Variants in ZIM2 observed in about 807,000 individuals in gnomAD.
ZIM2 encodes the protein zinc finger imprinted 2.
Under a neutral mutation model 38.6 loss-of-function variants are expected in ZIM2, and 14 were observed. The ratio of observed to expected loss-of-function variants is 0.36; its 90% CI spans 0.24 to 0.57. The LOEUF (loss-of-function observed/expected upper bound fraction) is 0.57, where lower values mean the gene tolerates loss of function less well. Among genes scored for constraint, ZIM2 ranks in the 20% least tolerant of loss-of-function variants. The pLI is 0.81. For synonymous variants in ZIM2, 247 were observed against 245.8 expected (o/e 1.00, Z -0.04); for missense variants, 680 against 695.1 (o/e 0.98, Z 0.24).
chr19:56,815,224 G>A (rs2059864062), intron 9 of ZIM2: 2 of 1,614,022 alleles, frequency 1.2e-6, no homozygotes, highest in East Asian at 2.2e-5. Context: ...CTCGCTGTGG[G>A]TCTCCTCCCC....
At position 56,814,012 on chromosome 19, in the gene ZIM2, C is replaced by T; in HGVS notation, c.490+3734G>A. On this transcript the variant is annotated intron_variant, in intron 9 of 12. Transcript: ENST00000629319. The surrounding 1 kb of genome is among the most constrained non-coding windows in gnomAD (Gnocchi z 5.8). ...CACACCGTCAGGCTCGTCGGCATCT[C>T]CCTCTGGCTCTTCAGCTTTTCCCTC... The T allele has an allele frequency of 6.2e-7, 1 of 1,613,328 alleles. No homozygotes were observed. Among genetic ancestry groups the T allele is most frequent in the Non-Finnish European group, 8.5e-7 (1 of 1,179,336 alleles).
At chr19:56,812,053 T>C in intron 9 of ZIM2, 2 of 983,818 alleles carry the variant, frequency 2.0e-6, no homozygotes, top group Non-Finnish European at 2.4e-6. Context: ...CAGACACATT[T>C]CCCCCAGTGG....
chr19:56,777,040 G>C (rs2046054897), intron 12 of ZIM2, among the ~76,000 whole-genome samples: 2 of 152,192 alleles, frequency 1.3e-5, no homozygotes, highest in South Asian at 4.1e-4. Context: ...TAAAAAGTCT[G>C]TGCTTTATAA....
At position 56,829,212 on chromosome 19, in the gene ZIM2, G is replaced by A. The variant is rs148257980; in HGVS notation, c.-226-2749C>T. 1.5e-3 allele frequency among the ~76,000 whole-genome samples: 227 copies of A among 152,068 alleles called. 1 individual carries two copies. Among genetic ancestry groups the A allele is most frequent in the African/African-American group, 5.2e-3 (217 of 41,508 alleles). ...CTAAAAATACAAAAATTAGCTGGGC[G>A]TGGTGGCAGTAATCCCAGCTACTCA... is the stretch of plus-strand genomic sequence containing the variant. On this transcript the variant is annotated intron_variant, in intron 2 of 12. Coordinates refer to ENST00000629319, the MANE Select transcript of ZIM2 (RefSeq NM_001387356.1).
At chr19:56,815,499 G>A (rs2059898393) in intron 9 of ZIM2, 1 of 1,614,126 alleles carries the variant, frequency 6.2e-7, no homozygotes, top group Non-Finnish European at 8.5e-7. Flanking sequence ...TGAGGTCAGA[G>A]CTATGAGCAA....
intron 9 of ZIM2, chr19:56,793,232 G>A (rs2047031429): frequency 6.6e-6 from 1 of 152,638 alleles, no homozygotes; most frequent in South Asian, 2.1e-4. Context: ...TTCACTGACA[G>A]GTACTGAAAA....
rs779530041 is a variant in ZIM2, at chr19:56,823,653, C to T, written c.43G>A (p.Asp15Asn). 6 of 1,613,990 alleles carry T rather than the reference C, an allele frequency of 3.7e-6. No homozygotes were observed. Among genetic ancestry groups the T allele is most frequent in the Admixed American group, 1.7e-5 (1 of 60,000 alleles). ...CTTCTGTTCCGGGTCATGTCGTCGT[C>T]GCTGGTCACGTCACTGTTGTTGTCG... ...EDDNNSDVTS[D>N]DDMTRNRRES... Residue 15 changes from aspartate (D) to asparagine (N), a missense_variant, in exon 5 of 13, where the codon GAC (aspartate) becomes AAC (asparagine). Asp to Asn is a conservative substitution (Grantham distance 23). Transcript: ENST00000629319.
chr19:56,808,130 T>A (rs2047845975), intron 9 of ZIM2, among the ~76,000 whole-genome samples: 1 of 152,108 alleles, frequency 6.6e-6, no homozygotes, highest in Admixed American at 6.5e-5. Context: ...AACCATGTAA[T>A]TAGTCCTTTG....
chr19:56,800,113 A>G (rs1271645015), intron 9 of ZIM2, among the ~76,000 whole-genome samples: 1 of 152,304 alleles, frequency 6.6e-6, no homozygotes, highest in East Asian at 1.9e-4. Flanking sequence ...GATTTGAGTT[A>G]CACAGGTGTA....
intron 9 of ZIM2, among the ~76,000 whole-genome samples, chr19:56,797,415 G>A (rs1423289762): frequency 6.6e-6 from 1 of 152,218 alleles, no homozygotes; most frequent in African/African-American, 2.4e-5. Flanking sequence ...TCCTTAGAAA[G>A]GTGAGAGAGG....
chr19:56,783,515 G>A (rs1255065704), intron 10 of ZIM2, among the ~76,000 whole-genome samples: 1 of 151,560 alleles, frequency 6.6e-6, no homozygotes, highest in East Asian at 1.9e-4. Context: ...CAACCGGAAT[G>A]CAACCGGAAA....
chr19:56,813,110 T>C, intron 9 of ZIM2: 1 of 984,242 alleles, frequency 1.0e-6, no homozygotes, highest in African/African-American at 1.7e-5. Context: ...CTCAAAAAGA[T>C]ATTGACAGGG....
intron 1 of ZIM2, 25 bp downstream of exon 1, chr19:56,840,557 G>T (rs2062905519): frequency 6.6e-6 from 1 of 152,306 alleles, no homozygotes; most frequent in Non-Finnish European, 1.5e-5. Flanking sequence ...CAGGAGGCGC[G>T]CGGGGCGGCC....
At position 56,818,711 on chromosome 19, in the gene ZIM2, G is replaced by T; in HGVS notation, c.295-9C>A. 1 of 1,613,988 alleles carries T rather than the reference G, an allele frequency of 6.2e-7. No individual in the cohort carries two copies. The highest frequency in any genetic ancestry group is 8.5e-7 in the Non-Finnish European group (1 of 1,179,902). ...TGGTATGATTCAGCATCCTAAAACA[G>T]CAAACACAGACCTCTCAATGGAGTC... On this transcript the variant is annotated splice_polypyrimidine_tract_variant and intron_variant, in intron 7 of 12. Transcript: ENST00000629319.
At chr19:56,782,497 G>A (rs1405427204) in intron 10 of ZIM2, 4 of 453,010 alleles carry the variant, frequency 8.8e-6, no homozygotes, top group African/African-American at 8.0e-5. Context: ...CTCATAACAT[G>A]AAGAAATATT....
At chr19:56,839,933 G>A (rs1004704109) in intron 1 of ZIM2, among the ~76,000 whole-genome samples, 4 of 152,234 alleles carry the variant, frequency 2.6e-5, no homozygotes, top group Non-Finnish European at 4.4e-5. Flanking sequence ...AGCCTCAGCC[G>A]CCCTTATTTA....
chr19:56,815,518 C>G, intron 9 of ZIM2: 1 of 1,614,144 alleles, frequency 6.2e-7, no homozygotes, highest in Non-Finnish European at 8.5e-7. Flanking sequence ...AAAGCACTCC[C>G]CACACTCCTG....
At chr19:56,832,048 A>G (rs1354165886) in intron 2 of ZIM2, among the ~76,000 whole-genome samples, 1 of 152,240 alleles carries the variant, frequency 6.6e-6, no homozygotes, top group Non-Finnish European at 1.5e-5. Context: ...AACTCACATA[A>G]ACTTGTATTA....
chr19:56,810,270 T>C (rs778193721), intron 9 of ZIM2: 30 of 982,762 alleles, frequency 3.1e-5, no homozygotes, highest in Non-Finnish European at 3.6e-5. Context: ...AAAGTTTCTA[T>C]AATGAACACA....
Sources: gnomAD v4.1 joint callset for allele counts (sites outside exome capture counted in the v4.1 genomes callset) on GRCh38, gnomAD v4.1.1 for gene constraint, Gnocchi (gnomAD v3.1) non-coding constraint, MANE v1.5 for transcripts, NCBI Gene and HGNC (gene_info 2026-07-23, HGNC 2026-07-21) for gene names.